Variants in PTBP3 observed in about 807,000 individuals in gnomAD.
PTBP3 encodes polypyrimidine tract-binding protein 3.
In PTBP3, 20 loss-of-function variants were observed where a neutral mutation model predicts 58.7. The ratio of observed to expected loss-of-function variants is 0.34; its 90% confidence interval spans 0.24 to 0.50. PTBP3 has a LOEUF of 0.50. Among genes scored for constraint, PTBP3 ranks in the 20% least tolerant of loss-of-function variants. PTBP3 has a pLI of 0.98. For synonymous variants in PTBP3, 185 were observed against 219.8 expected, an observed-to-expected ratio of 0.84 and a Z score of 1.40; for missense variants, 509 against 637.2, an observed-to-expected ratio of 0.80 and a Z score of 2.17.
intron 10 of PTBP3, 87 bp from the exon 11 acceptor site, chr9:112,228,559 T>TC: frequency 1.7e-6 from 1 of 599,092 alleles, no homozygotes; most frequent in Non-Finnish European, 2.4e-6. Flanking sequence ...AGAAGGCATT[T>TC]CTTACTCTCC....
intron 12 of PTBP3, 145 bp downstream of exon 12, chr9:112,227,266 A>T (rs973461788): frequency 7.8e-6 from 6 of 767,528 alleles, no homozygotes; most frequent in Admixed American, 2.4e-5. Context: ...TTCTGAAGGC[A>T]TGATGGCAAA....
chr9:112,234,986 T>G (rs1027985519), intron 7 of PTBP3, 89 bp from the exon 8 acceptor site: 4 of 1,070,910 alleles, frequency 3.7e-6, no homozygotes, highest in South Asian at 2.9e-5. Context: ...GAAAGTATAT[T>G]ACTAACAAAG....
rs1403187393 is a variant in PTBP3 at position 112,252,670 on chromosome 9, A to G, written c.627+8T>C. The stretch of plus-strand genomic sequence containing the variant: ...ACAATTGAAAAATGAAACAAAGATC[A>G]TAATTACCATTTTGGCATAATGTGC... On this transcript the variant is annotated splice_region_variant and intron_variant, in intron 6 of 13. Coordinates refer to ENST00000374257, the MANE Select transcript of PTBP3 (RefSeq NM_001163788.4). 7 of 1,552,436 alleles carry G rather than the reference A, an allele frequency of 4.5e-6. No homozygotes were observed. The highest frequency in any genetic ancestry group is 3.4e-5 in the South Asian group (3 of 89,498).
rs139843336 is a variant in PTBP3 at position 112,310,521 on chromosome 9, C to T, written c.-51-12605G>A. ...ATAATATTCATTCATTCAACAAATT[C>T]GATAAATATTTACTGAGCCACCAGC... On this transcript the variant is annotated intron_variant, in intron 1 of 13. Transcript: ENST00000374257. Among the ~76,000 whole-genome samples, 5 of 152,226 alleles carry T rather than the reference C, an allele frequency of 3.3e-5. No homozygotes were observed. The East Asian group carries it at 7.7e-4, about 23-fold the overall frequency.
At chr9:112,330,539 G>A in intron 1 of PTBP3, 3 of 1,092,094 alleles carry the variant, frequency 2.7e-6, no homozygotes, top group Non-Finnish European at 4.0e-6. Context: ...TTAAAAGACA[G>A]AGATAGTAAG....
intron 1 of PTBP3, among the ~76,000 whole-genome samples, chr9:112,303,437 C>T (rs1161586414): frequency 1.3e-5 from 2 of 152,156 alleles, no homozygotes; most frequent in Non-Finnish European, 2.9e-5. Flanking sequence ...AAAGTTAGTT[C>T]TCAGATACCT....
chr9:112,220,611 A>C lies in PTBP3; in HGVS notation c.*3240T>G. 1.0e-6 allele frequency: 1 copy of C among 995,840 alleles called. No homozygotes were observed. The highest frequency in any genetic ancestry group is 4.4e-5 in the South Asian group (1 of 22,876). The allele number at this position is 995,840 out of a possible 1,614,324, so 61.7% of individuals were successfully genotyped here. A position where few individuals can be genotyped will look rare whatever the true frequency, so the allele number is the denominator to read the frequency against. On this transcript the variant is annotated 3_prime_UTR_variant, in exon 14 of 14. Transcript: ENST00000374257. Reference sequence around the variant, plus strand: ...TTGATTTCAATATTTAGTCTTAAAGAATTTATGGCATTCTGTAAGAGCTGC... The same window carrying C: ...TTGATTTCAATATTTAGTCTTAAAGCATTTATGGCATTCTGTAAGAGCTGC...
chr9:112,298,623 G>T, intron 1 of PTBP3: 1 of 458,210 alleles, frequency 2.2e-6, no homozygotes, highest in African/African-American at 2.0e-5. Flanking sequence ...TAGTACTATT[G>T]GTTTACCTTG....
At chr9:112,307,866 T>A (rs943033814) in intron 1 of PTBP3, among the ~76,000 whole-genome samples, 1 of 152,244 alleles carries the variant, frequency 6.6e-6, no homozygotes, top group Non-Finnish European at 1.5e-5. Context: ...ATGCAGCCCA[T>A]GGGCCACATG....
chr9:112,357,574 C>A, the PTBP3 span, among the ~76,000 whole-genome samples: 2 of 152,164 alleles, frequency 1.3e-5, no homozygotes, highest in Non-Finnish European at 2.9e-5. Context: ...GTCTTAAACT[C>A]CTGGGTTCAA....
intron 1 of PTBP3, among the ~76,000 whole-genome samples, chr9:112,317,992 A>G (rs1332763049): frequency 6.6e-6 from 1 of 152,194 alleles, no homozygotes; most frequent in African/African-American, 2.4e-5. Context: ...ACATGCATAA[A>G]TCCCAACAAC....
At chr9:112,327,335 C>G (rs1042133880) in intron 1 of PTBP3, among the ~76,000 whole-genome samples, 1 of 151,950 alleles carries the variant, frequency 6.6e-6, no homozygotes, top group African/African-American at 2.4e-5. Context: ...GGAGGCCGGG[C>G]AGATCACGAG....
chr9:112,220,622 T>C lies in PTBP3; in HGVS notation c.*3229A>G. On this transcript the variant is annotated 3_prime_UTR_variant, in exon 14 of 14. Coordinates refer to ENST00000374257, the MANE Select transcript of PTBP3 (RefSeq NM_001163788.4). ...ATTTAGTCTTAAAGAATTTATGGCATTCTGTAAGAGCTGCTGGGTAATTCT... is the reference window on the plus strand; with the variant it reads ...ATTTAGTCTTAAAGAATTTATGGCACTCTGTAAGAGCTGCTGGGTAATTCT... The C allele has an allele frequency of 1.0e-6, 1 of 995,002 alleles. No individual in the cohort carries two copies. The highest frequency in any genetic ancestry group is 1.7e-5 in the African/African-American group (1 of 57,408). 61.6% of individuals were successfully genotyped at this position (995,002 alleles called of 1,614,324 possible). A position where few individuals can be genotyped will look rare whatever the true frequency, so the allele number is the denominator to read the frequency against.
At chr9:112,244,555 T>G (rs1198798286) in intron 7 of PTBP3, among the ~76,000 whole-genome samples, 2 of 151,860 alleles carry the variant, frequency 1.3e-5, no homozygotes, top group African/African-American at 4.8e-5. Flanking sequence ...GATGTGTGCC[T>G]GTGGTCCTGG....
At chr9:112,356,922 C>T in the PTBP3 span, among the ~76,000 whole-genome samples, 316 of 121,482 alleles carry the variant, frequency 2.6e-3, 1 homozygote, top group African/African-American at 8.6e-3. Flanking sequence ...TCTTGTTGCC[C>T]AGGCTGGAGT....
chr9:112,340,620 C>T, the PTBP3 span, among the ~76,000 whole-genome samples: 5 of 152,260 alleles, frequency 3.3e-5, no homozygotes, highest in South Asian at 8.3e-4. Flanking sequence ...CAGTGGCTCA[C>T]GCCTGTAATC....
At chr9:112,258,480 ATTC>A (rs1326675829) in intron 5 of PTBP3, among the ~76,000 whole-genome samples, 1 of 152,152 alleles carries the variant, frequency 6.6e-6, no homozygotes, top group African/African-American at 2.4e-5. Context: ...TCTAATAGGT[ATTC>A]TTAAGTTAAC....
At chr9:112,320,849 T>C (rs1344442106) in intron 1 of PTBP3, among the ~76,000 whole-genome samples, 1 of 152,152 alleles carries the variant, frequency 6.6e-6, no homozygotes, top group African/African-American at 2.4e-5. Context: ...ACTCACGCCA[T>C]ACACAAAAAT....
the PTBP3 span, among the ~76,000 whole-genome samples, chr9:112,342,277 G>A: frequency 0.02 from 3,084 of 152,270 alleles, 114 homozygotes; most frequent in African/African-American, 0.07. Flanking sequence ...CCAGCTTGCC[G>A]ATGGCCTATC....
Sources: allele counts gnomAD v4.1 joint callset (sites outside exome capture counted in the v4.1 genomes callset), GRCh38; gene constraint gnomAD v4.1.1; transcripts MANE v1.5; gene names NCBI Gene and HGNC (gene_info 2026-07-23, HGNC 2026-07-21).